The following MYO5B variants were observed in gnomAD, a reference collection of about 807,000 sequenced individuals.
MYO5B encodes myosin VB.
Under a neutral mutation model 229.3 loss-of-function variants are expected in MYO5B, and 143 were observed. The observed-to-expected ratio is 0.62, with a 90% CI of 0.54 to 0.72. MYO5B has a LOEUF of 0.72. Ranked by LOEUF, MYO5B falls within the 30% of genes least tolerant of loss-of-function variation. The pLI, the probability that MYO5B is intolerant of heterozygous loss-of-function variation, is 0.00. For synonymous variants in MYO5B, 918 were observed against 885.2 expected, an observed-to-expected ratio of 1.04 and a Z score of -0.66; for missense variants, 2,321 against 2,331.0, an observed-to-expected ratio of 1.00 and a Z score of 0.09.
intron 1 of MYO5B, among the ~76,000 whole-genome samples, chr18:50,073,162 C>T (rs57410122): frequency 0.12 from 17,729 of 152,170 alleles, 2,112 homozygotes; most frequent in African/African-American, 0.31. Flanking sequence ...ATGCTAATTG[C>T]TATCATTGCT....
chr18:50,021,741 T>G (rs951494405), intron 4 of MYO5B, among the ~76,000 whole-genome samples: 23 of 114,740 alleles, frequency 2.0e-4, no homozygotes, highest in Non-Finnish European at 4.5e-4. Flanking sequence ...AAAAAAAATC[T>G]TACAAGCATT....
At chr18:50,085,202 T>A (rs2031304971) in intron 1 of MYO5B, among the ~76,000 whole-genome samples, 1 of 152,074 alleles carries the variant, frequency 6.6e-6, no homozygotes, top group Non-Finnish European at 1.5e-5. Context: ...TACAATGAAC[T>A]CTAACAAATT....
chr18:50,119,317 A>G (rs542894538), intron 1 of MYO5B, among the ~76,000 whole-genome samples: 2 of 152,316 alleles, frequency 1.3e-5, no homozygotes, highest in Non-Finnish European at 2.9e-5. Flanking sequence ...CAATTACCCT[A>G]CAGGTTTCAC....
chr18:49,903,845 G>A (rs576165777), intron 20 of MYO5B, among the ~76,000 whole-genome samples: 5 of 152,356 alleles, frequency 3.3e-5, no homozygotes, highest in African/African-American at 1.2e-4. Context: ...TGGCTTCACT[G>A]GAACAACACA....
Position 50,170,108 on chromosome 18 carries a change from A to G in MYO5B, c.27+24659T>C, listed in dbSNP as rs180839023. Among the ~76,000 whole-genome samples, 5 of 127,834 alleles carry G rather than the reference A, an allele frequency of 3.9e-5. 2 individuals carry two copies. The Admixed American group carries it at 4.2e-4, about 11-fold the overall frequency. 83.9% of individuals were successfully genotyped at this position (127,834 alleles called of 152,430 possible). On this transcript the variant is annotated intron_variant, in intron 1 of 39. Coordinates refer to ENST00000285039, the MANE Select transcript of MYO5B (RefSeq NM_001080467.3). ...TTTCCCCACTATTGCTAATAGGAAA[A>G]CCCACCAAAAAGTTAACAGAAAAGC...
chr18:49,951,917 A>G (rs2025435094), intron 14 of MYO5B, among the ~76,000 whole-genome samples: 3 of 152,202 alleles, frequency 2.0e-5, no homozygotes, highest in African/African-American at 7.2e-5. Flanking sequence ...AAGTCACATT[A>G]ACCACCACAG....
At chr18:49,974,313 C>G in intron 10 of MYO5B, 37 bp downstream of exon 10, 1 of 1,614,050 alleles carries the variant, frequency 6.2e-7, no homozygotes, top group Non-Finnish European at 8.5e-7. Context: ...AAGCCACTCC[C>G]AGGTAGCAGA....
At chr18:50,038,600 C>G (rs2029907397) in intron 3 of MYO5B, among the ~76,000 whole-genome samples, 1 of 152,286 alleles carries the variant, frequency 6.6e-6, no homozygotes, top group Admixed American at 6.5e-5. Context: ...GTATCATACT[C>G]CGAGGTCACG....
chr18:50,115,543 GAGAGAC>G (rs1195991336), intron 1 of MYO5B, among the ~76,000 whole-genome samples: 13 of 60,166 alleles, frequency 2.2e-4, no homozygotes, highest in Admixed American at 6.4e-4. Flanking sequence ...CACACACACA[GAGAGAC>G]ACACACACAC....
At chr18:50,055,209 C>T in intron 2 of MYO5B, 59 bp downstream of exon 2, 2 of 1,128,930 alleles carry the variant, frequency 1.8e-6, no homozygotes, top group Non-Finnish European at 2.6e-6. Context: ...CTGTTCCTTG[C>T]ACACCTGAGC....
chr18:49,957,889 C>T (rs1468455591), intron 12 of MYO5B, among the ~76,000 whole-genome samples: 8 of 152,044 alleles, frequency 5.3e-5, no homozygotes, highest in African/African-American at 1.7e-4. Flanking sequence ...AAGGAGTACC[C>T]TCTGGCCCCT....
intron 12 of MYO5B, among the ~76,000 whole-genome samples, chr18:49,957,985 C>T (rs1354455691): frequency 2.0e-5 from 3 of 152,158 alleles, no homozygotes; most frequent in Non-Finnish European, 4.4e-5. Flanking sequence ...GCAGCTCCTT[C>T]CTCCTCACCT....
At chr18:50,129,534 C>G (rs2032220697) in intron 1 of MYO5B, among the ~76,000 whole-genome samples, 1 of 152,194 alleles carries the variant, frequency 6.6e-6, no homozygotes, top group Non-Finnish European at 1.5e-5. Context: ...ATCATAACAG[C>G]TGTACTTACA....
intron 36 of MYO5B, among the ~76,000 whole-genome samples, chr18:49,838,236 A>C (rs969115116): frequency 3.3e-5 from 5 of 152,044 alleles, no homozygotes; most frequent in Non-Finnish European, 5.9e-5. Flanking sequence ...TCTTCCAACA[A>C]CTCTATAAAG....
intron 10 of MYO5B, among the ~76,000 whole-genome samples, chr18:49,972,057 G>C (rs1193041595): frequency 6.6e-6 from 1 of 152,180 alleles, no homozygotes; most frequent in Non-Finnish European, 1.5e-5. Context: ...AGAGCTGTCA[G>C]ATAGTCTCAA....
At chr18:50,093,857 A>C (rs1219785146) in intron 1 of MYO5B, among the ~76,000 whole-genome samples, 2 of 152,128 alleles carry the variant, frequency 1.3e-5, no homozygotes, top group Non-Finnish European at 2.9e-5. Context: ...GAGTTACCCT[A>C]TATGGTCTAA....
At chr18:50,006,770 G>A (rs2026106254) in intron 4 of MYO5B, among the ~76,000 whole-genome samples, 1 of 152,150 alleles carries the variant, frequency 6.6e-6, no homozygotes, top group Non-Finnish European at 1.5e-5. Context: ...GTGGCTGGCA[G>A]GGCACCTGAG....
At chr18:49,953,894 ATGTGTGTGTGTGTGTGTGTGTGTG>A (rs71169463) in intron 13 of MYO5B, among the ~76,000 whole-genome samples, 1 of 108,470 alleles carries the variant, frequency 9.2e-6, no homozygotes, top group Admixed American at 9.7e-5. Flanking sequence ...ATATACATAT[ATGTGTGTGTGTGTGTGTGTGTGTG>A]TGTGTGTGTG....
rs760762571 is a variant in MYO5B at position 50,001,420 on chromosome 18, A to G, written c.456-9T>C. The G allele has an allele frequency of 6.2e-7, 1 of 1,613,952 alleles. No homozygotes were observed. Among genetic ancestry groups the G allele is most frequent in the South Asian group, 1.1e-5 (1 of 91,070 alleles). ...ACTGATTCTTCTCATCTCTGGAAGGAAAAAAGCTCTGATAAGTCATTGGCC... is the reference window on the plus strand; with the variant it reads ...ACTGATTCTTCTCATCTCTGGAAGGGAAAAAGCTCTGATAAGTCATTGGCC... On this transcript the variant is annotated splice_polypyrimidine_tract_variant and intron_variant, in intron 4 of 39. Transcript: ENST00000285039.
Sources: gnomAD v4.1 joint callset for allele counts (sites outside exome capture counted in the v4.1 genomes callset) on GRCh38, gnomAD v4.1.1 for gene constraint, MANE v1.5 for transcripts, NCBI Gene and HGNC (gene_info 2026-07-23, HGNC 2026-07-21) for gene names.